The following ZNF236 variants were observed in gnomAD, a reference collection of about 807,000 sequenced individuals.
ZNF236 encodes the protein zinc finger protein 236.
ZNF236 carries 50 observed loss-of-function variants against 191.2 expected under a neutral mutation model. The ratio of observed to expected loss-of-function variants is 0.26; its 90% CI spans 0.21 to 0.33. ZNF236 has a LOEUF of 0.33. Ranked by LOEUF, ZNF236 falls within the 10% of genes least tolerant of loss-of-function variation. ZNF236 has a pLI of 1.00. For synonymous variants in ZNF236, 907 were observed against 928.8 expected (o/e 0.98, Z 0.43); for missense variants, 1,754 against 2,374.5 (o/e 0.74, Z 5.43).
intron 1 of ZNF236, chr18:76,834,633 G>A (rs540850582): frequency 5.6e-5 from 25 of 445,634 alleles, no homozygotes; most frequent in Admixed American, 2.8e-4. Flanking sequence ...TCCTTTTCCC[G>A]TTGCACCCAT....
rs1467783490 is a variant in ZNF236 at position 76,928,111 on chromosome 18, G to GT, written c.4594+6dup. 3.1e-6 allele frequency: 5 copies of GT among 1,602,892 alleles called. No homozygotes were observed. The South Asian group carries it at 5.6e-5, about 18-fold the overall frequency. ...AAATTACCCTGACTATCTCCGGTTA[G>GT]TAAGTTATAATTTTAAACATCTTTT... On this transcript the variant is annotated splice_donor_region_variant and intron_variant, in intron 25 of 30. Transcript: ENST00000320610.
At position 76,971,134 on chromosome 18, in the gene ZNF236, G is replaced by A. The variant is rs997755984; in HGVS notation, c.*2795G>A. 2.0e-5 allele frequency among the ~76,000 whole-genome samples: 3 copies of A among 152,252 alleles called. No individual in the cohort carries two copies. Among genetic ancestry groups the A allele is most frequent in the Non-Finnish European group, 4.4e-5 (3 of 68,038 alleles). On this transcript the variant is annotated 3_prime_UTR_variant, in exon 31 of 31. Transcript: ENST00000320610. ...TTGCAAAGATACCAAACGTGAAGGT[G>A]GGGTGCAGGTACTGAGGAAGCAGGA...
At chr18:76,926,743 T>G in intron 22 of ZNF236, among the ~76,000 whole-genome samples, 1 of 3,686 alleles carries the variant, frequency 2.7e-4, no homozygotes, top group Non-Finnish European at 7.1e-4. Context: ...GTGTGTATGG[T>G]ATAAAGGGTG....
intron 17 of ZNF236, 48 bp from the exon 18 acceptor site, chr18:76,913,699 T>A: frequency 6.3e-7 from 1 of 1,589,092 alleles, no homozygotes; most frequent in Non-Finnish European, 8.6e-7. Flanking sequence ...GTATTTGTAA[T>A]TGTGCTATGA....
At position 76,904,405 on chromosome 18, in the gene ZNF236, C is replaced by A. The variant is rs546729499; in HGVS notation, c.1920C>A (p.Asn640Lys). The change falls in exon 12 of 31, where the codon AAC becomes AAA. Residue 640 changes from asparagine (N) to lysine (K), a missense_variant. By Grantham distance (94) the Asn-to-Lys change is moderately conservative. This residue lies in a region of ZNF236 where 641 missense variants were observed against 869.6 expected (regional missense o/e 0.74). Transcript: ENST00000320610. ...GTCTCATCCAGCCCATTCCAAAAAA[C>A]CAGTTTTTCCAAAGCTATTTCAATA... The part of the protein sequence containing the change: ...DLGLIQPIPK[N>K]QFFQSYFNNN... The A allele has an allele frequency of 3.7e-6, 6 of 1,608,138 alleles. No individual in the cohort carries two copies. The East Asian group carries it at 6.8e-5, about 18-fold the overall frequency.
intron 5 of ZNF236, among the ~76,000 whole-genome samples, chr18:76,873,779 G>T (rs1052436296): frequency 1.3e-5 from 2 of 152,102 alleles, no homozygotes; most frequent in South Asian, 2.1e-4. Context: ...CACTCTCGCC[G>T]TGCCTCCTGC....
chr18:76,894,987 G>A (rs748149987), intron 9 of ZNF236, 26 bp from the exon 10 acceptor site: 8 of 1,603,344 alleles, frequency 5.0e-6, no homozygotes, highest in Non-Finnish European at 1.7e-6. Flanking sequence ...TCCAGGCCAA[G>A]CGGGACGTGT....
chr18:76,932,512 C>T (rs1271520196), intron 25 of ZNF236, among the ~76,000 whole-genome samples: 2 of 152,344 alleles, frequency 1.3e-5, no homozygotes, highest in African/African-American at 4.8e-5. Context: ...CATCATCTTT[C>T]CCCCGCTGCA....
intron 28 of ZNF236, among the ~76,000 whole-genome samples, chr18:76,958,821 C>T (rs549597292): frequency 4.1e-4 from 63 of 152,324 alleles, no homozygotes; most frequent in African/African-American, 1.2e-3. Flanking sequence ...ATTACACCCA[C>T]CTCCCAGACT....
chr18:76,929,857 G>A (rs1397939324), intron 25 of ZNF236, among the ~76,000 whole-genome samples: 1 of 152,148 alleles, frequency 6.6e-6, no homozygotes, highest in African/African-American at 2.4e-5. Context: ...TTCATAGTGT[G>A]TTCTTTTTTC....
rs571599986 is a variant in ZNF236, at chr18:76,920,074, C to T, written c.3557+16C>T. Reference sequence around the variant, plus strand: ...ACCTGGTGAGGTGAGGGCATGGCTACGCCGCGCGGGTTCCGCTCTGAAGAC... The same window carrying T: ...ACCTGGTGAGGTGAGGGCATGGCTATGCCGCGCGGGTTCCGCTCTGAAGAC... On this transcript the variant is annotated intron_variant, in intron 20 of 30. Transcript: ENST00000320610. The T allele has an allele frequency of 1.6e-5, 25 of 1,606,318 alleles. No homozygotes were observed. Among genetic ancestry groups the T allele is most frequent in the African/African-American group, 5.3e-5 (4 of 74,826 alleles).
At chr18:76,860,907 C>T (rs755108329) in intron 3 of ZNF236, among the ~76,000 whole-genome samples, 7 of 152,220 alleles carry the variant, frequency 4.6e-5, no homozygotes, top group East Asian at 1.9e-4. Flanking sequence ...GAGAAGAAAG[C>T]GGGGAAGAGT....
In ZNF236 at chr18:76,880,078, A is replaced by T. The variant is rs1175225089; in HGVS notation, c.985-35A>T. ...TTTCCTTTTTAAATTGAAGAGCAAA[A>T]TTGTATTTTTAATGAAAATGTTTCT... On this transcript the variant is annotated intron_variant, in intron 7 of 30. Coordinates refer to ENST00000320610, the MANE Select transcript of ZNF236 (RefSeq NM_001306089.2). The surrounding 1 kb of genome is among the most constrained non-coding windows in gnomAD (Gnocchi z 5.0). 1 of 1,566,014 alleles carries T rather than the reference A, an allele frequency of 6.4e-7. No individual in the cohort carries two copies. Among genetic ancestry groups the T allele is most frequent in the Non-Finnish European group, 8.7e-7 (1 of 1,153,616 alleles).
At position 76,955,987 on chromosome 18, in the gene ZNF236, A is replaced by G; in HGVS notation, c.4917A>G (p.Val1639=). 6.2e-7 allele frequency: 1 copy of G among 1,607,760 alleles called. No homozygotes were observed. The highest frequency in any genetic ancestry group is 1.1e-5 in the South Asian group (1 of 89,928). ...SAACEEIAYQ[V]AGVSGNLAPG... is the part of the protein sequence containing the mutation. ...TCACAATTTCTGGCTCTTTCCAGGT[A>G]GCTGGCGTCTCTGGGAACCTGGCCC... Residue 1639 remains valine, a splice_region_variant and synonymous_variant, in exon 28 of 31, where the codon GTA becomes GTG. Coordinates refer to ENST00000320610, the MANE Select transcript of ZNF236 (RefSeq NM_001306089.2).
intron 5 of ZNF236, among the ~76,000 whole-genome samples, chr18:76,873,028 C>T (rs1048507075): frequency 4.6e-5 from 7 of 152,032 alleles, no homozygotes; most frequent in African/African-American, 1.7e-4. Flanking sequence ...TTTAGAGCAT[C>T]AGTTTTTATT....
intron 27 of ZNF236, among the ~76,000 whole-genome samples, chr18:76,948,146 CAA>C (rs994222454): frequency 3.9e-5 from 6 of 151,944 alleles, no homozygotes; most frequent in Non-Finnish European, 7.4e-5. Context: ...TTTTGGGAGC[CAA>C]AATATTTAGT....
intron 3 of ZNF236, among the ~76,000 whole-genome samples, chr18:76,855,944 T>C (rs765961995): frequency 2.6e-5 from 4 of 152,324 alleles, no homozygotes; most frequent in Non-Finnish European, 4.4e-5. Context: ...TCAAAGGATA[T>C]GTGAATTCAA....
chr18:76,856,257 A>G (rs1976037565), intron 3 of ZNF236, among the ~76,000 whole-genome samples: 1 of 151,378 alleles, frequency 6.6e-6, no homozygotes, highest in Non-Finnish European at 1.5e-5. Flanking sequence ...ATCTCAACCC[A>G]CTGCAACCTC....
chr18:76,890,884 A>AC (rs1469058074), intron 9 of ZNF236, among the ~76,000 whole-genome samples: 1 of 152,176 alleles, frequency 6.6e-6, no homozygotes, highest in Non-Finnish European at 1.5e-5. Context: ...ACCCCAAGAG[A>AC]GCAAGACCCC....
Sources: allele counts gnomAD v4.1 joint callset (sites outside exome capture counted in the v4.1 genomes callset), GRCh38; gene constraint gnomAD v4.1.1; regional missense constraint gnomAD v4.1.1; non-coding constraint Gnocchi (gnomAD v3.1); transcripts MANE v1.5; gene names NCBI Gene and HGNC (gene_info 2026-07-23, HGNC 2026-07-21).